Variants in KTN1 observed in about 807,000 individuals in gnomAD.
KTN1 encodes kinectin.
A neutral mutation model predicts 222.5 loss-of-function variants in KTN1; 130 were observed. The ratio of observed to expected loss-of-function variants is 0.58; its 90% CI spans 0.51 to 0.68. KTN1 has a LOEUF of 0.68. KTN1 is among the 30% of genes least tolerant of loss of function. The pLI is 0.00. For synonymous variants in KTN1, 512 were observed against 496.3 expected, an observed-to-expected ratio of 1.03 and a Z score of -0.42; for missense variants, 1,508 against 1,500.4, an observed-to-expected ratio of 1.01 and a Z score of -0.08.
Position 55,684,262 on chromosome 14 carries a change from GAAA to G in KTN1, c.*167_*169del. On this transcript the variant is annotated 3_prime_UTR_variant, in exon 44 of 44. Transcript: ENST00000395314. ...TTGTTAGACTACTGATTTAAAGAAG[GAAA>G]AAAAAAAGCCAACTCTGTAGACACC... The G allele has an allele frequency of 2.4e-6, 1 of 424,926 alleles. No homozygotes were observed. Among genetic ancestry groups the G allele is most frequent in the Non-Finnish European group, 4.1e-6 (1 of 246,052 alleles). 26.3% of individuals were successfully genotyped at this position (424,926 alleles called of 1,614,324 possible).
At position 55,678,450 on chromosome 14, in the gene KTN1, T is replaced by C; in HGVS notation, c.3948+6T>C. On this transcript the variant is annotated splice_donor_region_variant and intron_variant, in intron 42 of 43. Transcript: ENST00000395314. ...GTGATGTTTCCCCAGAAACGGTATGTATTTTCTTCATCCCCAGATCTCTGA... is the reference window on the plus strand; with the variant it reads ...GTGATGTTTCCCCAGAAACGGTATGCATTTTCTTCATCCCCAGATCTCTGA... The C allele has an allele frequency of 1.3e-6, 2 of 1,562,704 alleles. No individual in the cohort carries two copies. The highest frequency in any genetic ancestry group is 1.8e-6 in the Non-Finnish European group (2 of 1,133,210).
At position 55,593,816 on chromosome 14, in the gene KTN1, C is replaced by G. The variant is rs1475744297; in HGVS notation, c.-31+13462C>G. Among the ~76,000 whole-genome samples, 8 of 151,420 alleles carry G rather than the reference C, an allele frequency of 5.3e-5. No homozygotes were observed. In the South Asian group the frequency reaches 1.7e-3, roughly 32 times the overall value. On this transcript the variant is annotated intron_variant, in intron 1 of 43. Transcript: ENST00000395314. ...GATTTGCAGTGTCATTGTTTTTCTCCCCTCTCCTCCCCTCTCTTTTTTTAC... is the reference window on the plus strand; with the variant it reads ...GATTTGCAGTGTCATTGTTTTTCTCGCCTCTCCTCCCCTCTCTTTTTTTAC...
At chr14:55,599,969 A>G (rs1376438134) in intron 1 of KTN1, among the ~76,000 whole-genome samples, 2 of 151,850 alleles carry the variant, frequency 1.3e-5, no homozygotes, top group African/African-American at 2.4e-5. Flanking sequence ...TATATGGGCT[A>G]TTTTGCCTTT....
At chr14:55,682,959 A>G (rs754260468) in intron 43 of KTN1, 1 of 152,132 alleles carries the variant, frequency 6.6e-6, no homozygotes, top group Non-Finnish European at 1.5e-5. Context: ...AGAGGCTTAC[A>G]GTAGTATCCA....
At chr14:55,662,952 C>T (rs1444524227) in intron 32 of KTN1, 1 of 455,912 alleles carries the variant, frequency 2.2e-6, no homozygotes, top group East Asian at 6.9e-5. Context: ...GACATTGAAC[C>T]CGTGTGAAAA....
intron 24 of KTN1, chr14:55,651,403 A>G (rs944196417): frequency 8.8e-6 from 4 of 454,562 alleles, no homozygotes; most frequent in Admixed American, 4.7e-5. Context: ...ATGATTAAGA[A>G]AAAATTAAAA....
At chr14:55,669,999 C>G (rs2045304176) in intron 34 of KTN1, among the ~76,000 whole-genome samples, 1 of 151,776 alleles carries the variant, frequency 6.6e-6, no homozygotes, top group Non-Finnish European at 1.5e-5. Context: ...TACACTTTAT[C>G]AAAGTGTAAA....
intron 35 of KTN1, chr14:55,671,214 G>T: frequency 3.9e-6 from 1 of 256,922 alleles, no homozygotes; most frequent in Non-Finnish European, 7.3e-6. Context: ...GAAATTGGGG[G>T]GGATTTATTA....
At chr14:55,671,906 T>C (rs778054698) in intron 37 of KTN1, 29 bp downstream of exon 37, 1 of 1,281,410 alleles carries the variant, frequency 7.8e-7, no homozygotes, top group Admixed American at 1.7e-5. Context: ...CTTAGAGCAG[T>C]GGTTCTCGAT....
intron 1 of KTN1, among the ~76,000 whole-genome samples, chr14:55,609,817 T>A (rs901797423): frequency 2.0e-5 from 3 of 152,174 alleles, no homozygotes; most frequent in Non-Finnish European, 4.4e-5. Flanking sequence ...CATTGTTTTG[T>A]GTTTTTTCTC....
At chr14:55,610,563 T>C (rs1297448947) in intron 1 of KTN1, among the ~76,000 whole-genome samples, 3 of 152,246 alleles carry the variant, frequency 2.0e-5, no homozygotes, top group African/African-American at 4.8e-5. Flanking sequence ...ACTCTCCAAA[T>C]TGATAATTTA....
intron 1 of KTN1, among the ~76,000 whole-genome samples, chr14:55,589,698 G>A (rs1403516023): frequency 2.1e-4 from 25 of 119,320 alleles, no homozygotes; most frequent in Non-Finnish European, 3.1e-4. Flanking sequence ...TCTCTCTGTC[G>A]CCCAGGCTGG....
chr14:55,602,008 G>C (rs1412321684), intron 1 of KTN1: 3 of 152,140 alleles, frequency 2.0e-5, no homozygotes, highest in African/African-American at 7.2e-5. Flanking sequence ...GGTGCTGGGA[G>C]TACAGGTGTG....
At chr14:55,584,774 T>C (rs1441652385) in intron 1 of KTN1, among the ~76,000 whole-genome samples, 2 of 152,190 alleles carry the variant, frequency 1.3e-5, no homozygotes, top group Non-Finnish European at 1.5e-5. Flanking sequence ...TATTGATGAC[T>C]CTTTAAGAGT....
At chr14:55,629,244 G>A (rs1358925284) in intron 6 of KTN1, among the ~76,000 whole-genome samples, 1 of 151,608 alleles carries the variant, frequency 6.6e-6, no homozygotes. Context: ...GTGAAACCCC[G>A]TCTCTAATAA....
intron 18 of KTN1, among the ~76,000 whole-genome samples, chr14:55,642,478 CTCT>C (rs1595046667): frequency 1.3e-5 from 2 of 152,178 alleles, no homozygotes; most frequent in Non-Finnish European, 1.5e-5. Context: ...TGCCTTCGTA[CTCT>C]TCTTCTACGC....
intron 18 of KTN1, among the ~76,000 whole-genome samples, chr14:55,646,468 T>TTC (rs368731698): frequency 0.077 from 2,720 of 35,412 alleles, 198 homozygotes; most frequent in South Asian, 0.12. Flanking sequence ...CCTTTTCCTT[T>TTC]CCTTTCCTTT....
rs566614255 is a variant in KTN1, at chr14:55,653,875, A to G, written c.2801+279A>G. ...TAGGCTGGTTTTAAGTTATTTTTTA[A>G]AACAAAATATGCAATTATTATAGAG... On this transcript the variant is annotated intron_variant, in intron 28 of 43. Coordinates refer to ENST00000395314, the MANE Select transcript of KTN1 (RefSeq NM_001079521.2). Among the ~76,000 whole-genome samples the G allele has an allele frequency of 8.5e-4, 129 of 152,310 alleles. 1 individual carries two copies. Among genetic ancestry groups the G allele is most frequent in the African/African-American group, 2.8e-3 (118 of 41,580 alleles).
At chr14:55,678,014 A>G (rs994009326) in intron 41 of KTN1, among the ~76,000 whole-genome samples, 1 of 152,240 alleles carries the variant, frequency 6.6e-6, no homozygotes, top group African/African-American at 2.4e-5. Context: ...CCCTTTAAAA[A>G]GTAAAAAATA....
Sources: allele counts gnomAD v4.1 joint callset (sites outside exome capture counted in the v4.1 genomes callset), GRCh38; gene constraint gnomAD v4.1.1; transcripts MANE v1.5; gene names NCBI Gene and HGNC (gene_info 2026-07-23, HGNC 2026-07-21).